Variants in TNFSF15 observed in about 807,000 individuals in gnomAD.
TNFSF15 encodes the protein tumor necrosis factor ligand superfamily member 15.
TNFSF15 carries 15 observed loss-of-function variants against 26.4 expected under a neutral mutation model. That is an observed-to-expected ratio of 0.57 (90% CI 0.38 to 0.87). TNFSF15 has a LOEUF of 0.87. TNFSF15 is among the 40% of genes least tolerant of loss of function. TNFSF15 has a pLI of 0.00. For synonymous variants in TNFSF15, 116 were observed against 115.0 expected, an observed-to-expected ratio of 1.01 and a Z score of -0.06; for missense variants, 290 against 306.1, an observed-to-expected ratio of 0.95 and a Z score of 0.39.
At chr9:114,790,994 C>A in intron 3 of TNFSF15, 88 bp from the exon 4 acceptor site, 2 of 1,335,916 alleles carry the variant, frequency 1.5e-6, no homozygotes, top group Non-Finnish European at 2.1e-6. Flanking sequence ...TCAAAATAGA[C>A]TAAAGTGATC....
At chr9:114,799,242 C>T (rs1245511533) in intron 1 of TNFSF15, among the ~76,000 whole-genome samples, 3 of 152,198 alleles carry the variant, frequency 2.0e-5, no homozygotes, top group African/African-American at 7.2e-5. Context: ...CACTTGACCT[C>T]AATGGAACTG....
At position 114,790,858 on chromosome 9, in the gene TNFSF15, A is replaced by G. The variant is rs771882145; in HGVS notation, c.350T>C (p.Leu117Pro). Residue 117 changes from leucine to proline, a missense_variant, in exon 4 of 4, where the codon CTG becomes CCG. By Grantham distance (98) the Leu-to-Pro change is moderately conservative. This residue lies in a region of TNFSF15 where 179 missense variants were observed against 165.9 expected (regional missense o/e 1.08). Transcript: ENST00000374045. The stretch of plus-strand genomic sequence containing the variant: ...CAGGCCTAGTTCATGTTCCCAGTGC[A>G]GAGCTGGGAACTGATTTTTAAAGTG... ...TQHFKNQFPA[L>P]HWEHELGLAF... The G allele has an allele frequency of 9.3e-6, 15 of 1,614,080 alleles. No homozygotes were observed. Among genetic ancestry groups the G allele is most frequent in the Non-Finnish European group, 8.5e-7 (1 of 1,180,046 alleles).
chr9:114,795,866 G>A (rs986080759), intron 1 of TNFSF15, among the ~76,000 whole-genome samples: 2 of 152,244 alleles, frequency 1.3e-5, no homozygotes, highest in Non-Finnish European at 1.5e-5. Flanking sequence ...ATGTAATTGT[G>A]TCATTGCTGA....
At chr9:114,792,123 A>G in intron 3 of TNFSF15, 1 of 430,168 alleles carries the variant, frequency 2.3e-6, no homozygotes, top group Non-Finnish European at 4.2e-6. Flanking sequence ...TGCTTATTGC[A>G]GCACTATTCA....
chr9:114,790,864 G>C lies in TNFSF15; in HGVS notation c.344C>G (p.Pro115Arg). ...TAGTTCATGTTCCCAGTGCAGAGCTGGGAACTGATTTTTAAAGTGCTGTGT... is the reference window on the plus strand; with the variant it reads ...TAGTTCATGTTCCCAGTGCAGAGCTCGGAACTGATTTTTAAAGTGCTGTGT... ...TPTQHFKNQFPALHWEHELGL... is the reference protein window; with the variant it reads ...TPTQHFKNQFRALHWEHELGL... The change falls in exon 4 of 4, where the codon CCA becomes CGA. Residue 115 changes from proline to arginine, a missense_variant. Pro to Arg is a moderately radical substitution (Grantham distance 103). This residue lies in a region of TNFSF15 where 179 missense variants were observed against 165.9 expected (regional missense o/e 1.08). Transcript: ENST00000374045. 6.2e-7 allele frequency: 1 copy of C among 1,614,116 alleles called. No individual in the cohort carries two copies. Among genetic ancestry groups the C allele is most frequent in the Non-Finnish European group, 8.5e-7 (1 of 1,180,020 alleles).
rs1245650275 is a variant in TNFSF15 at position 114,785,731 on chromosome 9, C to T, written c.*4721G>A. 6.6e-6 allele frequency: 1 copy of T among 152,176 alleles called. No homozygotes were observed. Among genetic ancestry groups the T allele is most frequent in the East Asian group, 1.9e-4 (1 of 5,200 alleles). The allele number at this position is 152,176 out of a possible 1,614,324, so 9.4% of individuals were successfully genotyped here. A position where few individuals can be genotyped will look rare whatever the true frequency, so the allele number is the denominator to read the frequency against. ...CCTAGCTCTCTTCTCTGGGGAGCTA[C>T]AGTAGAAGTCTCCTCCCACTTCCAT... is the stretch of plus-strand genomic sequence containing the variant. On this transcript the variant is annotated 3_prime_UTR_variant, in exon 4 of 4. Coordinates refer to ENST00000374045, the MANE Select transcript of TNFSF15 (RefSeq NM_005118.4).
intron 1 of TNFSF15, among the ~76,000 whole-genome samples, chr9:114,803,201 C>T (rs1323729190): frequency 6.6e-6 from 1 of 152,088 alleles, no homozygotes; most frequent in Non-Finnish European, 1.5e-5. Context: ...GTTGAAATAG[C>T]CTATTTCCTG....
rs199783549 is a variant in TNFSF15 at position 114,804,028 on chromosome 9, A to G, written c.210+1775T>C. Among the ~76,000 whole-genome samples, 4 of 152,048 alleles carry G rather than the reference A, an allele frequency of 2.6e-5. No individual in the cohort carries two copies. The East Asian group carries it at 7.7e-4, about 29-fold the overall frequency. On this transcript the variant is annotated intron_variant, in intron 1 of 3. Coordinates refer to ENST00000374045, the MANE Select transcript of TNFSF15 (RefSeq NM_005118.4). ...AGTGAGCCAGCTGTTTCTTTTCAGG[A>G]CCCTGATTGCTACATGAGCCCAGCC...
In TNFSF15 at chr9:114,790,681, G is replaced by A. The variant is rs867213148; in HGVS notation, c.527C>T (p.Ser176Phe). Residue 176 changes from serine to phenylalanine, a missense_variant, in exon 4 of 4, where the codon TCC becomes TTC. Ser to Phe is a radical substitution (Grantham distance 155, BLOSUM62 -2). Coordinates refer to ENST00000374045, the MANE Select transcript of TNFSF15 (RefSeq NM_005118.4). ...RQAGRPNKPD[S>F]ITVVITKVTD... is the part of the protein sequence containing the mutation. ...TACCTTGGTGATGACCACAGTGATG[G>A]AGTCTGGCTTGTTTGGTCGGCCTGC... The A allele has an allele frequency of 6.2e-7, 1 of 1,614,068 alleles. No homozygotes were observed. The highest frequency in any genetic ancestry group is 8.5e-7 in the Non-Finnish European group (1 of 1,180,008).
At chr9:114,796,559 C>A (rs1428287866) in intron 1 of TNFSF15, among the ~76,000 whole-genome samples, 2 of 152,208 alleles carry the variant, frequency 1.3e-5, no homozygotes, top group African/African-American at 4.8e-5. Context: ...GACACAGAGA[C>A]CTGGCCCAGA....
rs779820292 is a variant in TNFSF15 at position 114,805,944 on chromosome 9, G to A, written c.69C>T (p.Ser23=). Residue 23 remains serine (S), a synonymous_variant, in exon 1 of 4, where the codon AGC becomes AGT. Transcript: ENST00000374045. ...ASVEMLPEHG[S]CRPKARSSSA... is the part of the protein sequence containing the mutation. The stretch of plus-strand genomic sequence containing the variant: ...TGCTGCTCCTGGCCTTGGGCCTGCA[G>A]CTGCCGTGCTCTGGCAGCATTTCCA... 1.9e-6 allele frequency: 3 copies of A among 1,614,110 alleles called. No individual in the cohort carries two copies. The highest frequency in any genetic ancestry group is 2.2e-5 in the South Asian group (2 of 91,078).
chr9:114,790,824 G>A lies in TNFSF15; in HGVS notation c.384C>T (p.Thr128=). The change falls in exon 4 of 4, where the codon ACC becomes ACT. Residue 128 remains threonine (T), a synonymous_variant. Coordinates refer to ENST00000374045, the MANE Select transcript of TNFSF15 (RefSeq NM_005118.4). The part of the protein sequence containing the change: ...HWEHELGLAF[T]KNRMNYTNKF... ...TGTTGGTATAGTTCATTCGGTTCTT[G>A]GTGAAGGCCAGGCCTAGTTCATGTT... is the stretch of plus-strand genomic sequence containing the variant. 1.2e-6 allele frequency: 2 copies of A among 1,614,116 alleles called. No individual in the cohort carries two copies. The highest frequency in any genetic ancestry group is 2.2e-5 in the South Asian group (2 of 91,074).
At chr9:114,801,216 C>T (rs192859878) in intron 1 of TNFSF15, among the ~76,000 whole-genome samples, 1 of 152,224 alleles carries the variant, frequency 6.6e-6, no homozygotes, top group Admixed American at 6.5e-5. Flanking sequence ...CTTTGTGTGC[C>T]AGAGCTGTGC....
At chr9:114,793,355 G>A (rs1829632731) in intron 2 of TNFSF15, among the ~76,000 whole-genome samples, 171 bp downstream of exon 2, 1 of 152,146 alleles carries the variant, frequency 6.6e-6, no homozygotes, top group African/African-American at 2.4e-5. Context: ...TTGACATGGT[G>A]CCATTTTGCC....
intron 3 of TNFSF15, 129 bp from the exon 4 acceptor site, chr9:114,791,035 G>A (rs778140750): frequency 4.8e-6 from 4 of 826,036 alleles, no homozygotes; most frequent in Non-Finnish European, 7.7e-6. Context: ...AACTGCTTTG[G>A]GGAGGAATGA....
chr9:114,790,443 G>T lies in TNFSF15; in HGVS notation c.*9C>A, dbSNP rs1829576860. 6.4e-7 allele frequency: 1 copy of T among 1,567,490 alleles called. No homozygotes were observed. The highest frequency in any genetic ancestry group is 8.6e-7 in the Non-Finnish European group (1 of 1,156,428). ...AGAGGACTTTCATATAATGATATTT[G>T]CTCTCCTCCTATAGTAAGAAGGCTC... On this transcript the variant is annotated 3_prime_UTR_variant, in exon 4 of 4. Coordinates refer to ENST00000374045, the MANE Select transcript of TNFSF15 (RefSeq NM_005118.4).
Position 114,789,321 on chromosome 9 carries a change from T to C in TNFSF15, c.*1131A>G, listed in dbSNP as rs1357245137. The C allele has an allele frequency of 6.6e-6, 1 of 150,408 alleles. No homozygotes were observed. The highest frequency in any genetic ancestry group is 1.5e-5 in the Non-Finnish European group (1 of 67,360). The allele number at this position is 150,408 out of a possible 1,614,324, so 9.3% of individuals were successfully genotyped here. A position where few individuals can be genotyped will look rare whatever the true frequency, so the allele number is the denominator to read the frequency against. ...TAAAGGCTTGGAGTTATTATTTTAT[T>C]TTTTTTTTTTTGGACAGAGTTTTGC... is the stretch of plus-strand genomic sequence containing the variant. On this transcript the variant is annotated 3_prime_UTR_variant, in exon 4 of 4. Transcript: ENST00000374045.
intron 3 of TNFSF15, chr9:114,791,200 A>G: frequency 1.8e-6 from 1 of 546,154 alleles, no homozygotes; most frequent in Non-Finnish European, 3.3e-6. Flanking sequence ...GAGAACAATG[A>G]AGGTTAAGGA....
chr9:114,792,610 G>A, intron 2 of TNFSF15, 156 bp from the exon 3 acceptor site: 2 of 1,495,464 alleles, frequency 1.3e-6, no homozygotes, highest in Admixed American at 4.2e-5. Flanking sequence ...GGATTGGAAT[G>A]TGGCACCCGC....
Sources: gnomAD v4.1 joint callset for allele counts (sites outside exome capture counted in the v4.1 genomes callset) on GRCh38, gnomAD v4.1.1 for gene constraint, gnomAD v4.1.1 regional missense constraint, MANE v1.5 for transcripts, NCBI Gene and HGNC (gene_info 2026-07-23, HGNC 2026-07-21) for gene names.